The following FANCA variants were observed in gnomAD, a reference collection of about 807,000 sequenced individuals.
FANCA encodes FA complementation group A.
FANCA carries 236 observed loss-of-function variants against 194.3 expected under a neutral mutation model. That is an observed-to-expected ratio of 1.21 (90% CI 1.09 to 1.35). FANCA has a LOEUF of 1.35. Ranked by LOEUF, FANCA falls within the 40% of genes most tolerant of loss-of-function variation. The probability of loss-of-function intolerance (pLI) is 0.00; values close to 1 mark genes in which losing one functional copy is unlikely to be tolerated. For synonymous variants in FANCA, 1,014 were observed against 715.8 expected (o/e 1.42, Z -6.65); for missense variants, 2,628 against 1,813.9 (o/e 1.45, Z -8.15).
chr16:89,792,027 C>T lies in FANCA; in HGVS notation c.1125G>A (p.Leu375=). ...CCTCCTGCGTTTCCAGAACTTCTTG[C>T]AAATGGCCAACCAACTCCTCTGCAC... ...MLSAEELVGH[L]QEVLETQEVH... is the part of the protein sequence containing the mutation. The change falls in exon 13 of 43, where the codon TTG becomes TTA. Residue 375 remains leucine (L), a synonymous_variant. Coordinates refer to ENST00000389301, the MANE Select transcript of FANCA (RefSeq NM_000135.4). 2 of 1,614,190 alleles carry T rather than the reference C, an allele frequency of 1.2e-6. No homozygotes were observed. Among genetic ancestry groups the T allele is most frequent in the Non-Finnish European group, 1.7e-6 (2 of 1,180,024 alleles).
intron 11 of FANCA, among the ~76,000 whole-genome samples, chr16:89,794,121 C>T (rs1219870361): frequency 6.6e-6 from 1 of 152,234 alleles, no homozygotes; most frequent in Non-Finnish European, 1.5e-5. Flanking sequence ...TTAAAGTTCA[C>T]CATCTCCCTG....
intron 20 of FANCA, among the ~76,000 whole-genome samples, chr16:89,777,312 G>A (rs959749751): frequency 2.6e-5 from 4 of 152,152 alleles, no homozygotes; most frequent in Admixed American, 6.5e-5. Context: ...AGCCCAGGAG[G>A]TCAAGGCTGT....
At chr16:89,741,972 A>AT (rs34430410) in intron 37 of FANCA, among the ~76,000 whole-genome samples, 10,943 of 147,638 alleles carry the variant, frequency 0.074, 997 homozygotes, top group African/African-American at 0.22. Context: ...CTTTAAACAA[A>AT]TTTTTTTTTT....
Position 89,763,162 on chromosome 16 carries a change from C to T in FANCA, c.2779-1140G>A, listed in dbSNP as rs181934143. Among the ~76,000 whole-genome samples the T allele has an allele frequency of 6.6e-3, 1,004 of 151,774 alleles. 6 individuals carry two copies. The highest frequency in any genetic ancestry group is 0.012 in the Admixed American group (176 of 15,218). Reference sequence around the variant, plus strand: ...CTTGGGAGGCCGAGTCAGGAGAATCCCTTGAACCCAGAAGGCTGAGGTTGC... The same window carrying T: ...CTTGGGAGGCCGAGTCAGGAGAATCTCTTGAACCCAGAAGGCTGAGGTTGC... On this transcript the variant is annotated intron_variant, in intron 28 of 42. Transcript: ENST00000389301.
chr16:89,740,296 A>G, intron 38 of FANCA, 197 bp from the exon 39 acceptor site: 1 of 605,668 alleles, frequency 1.7e-6, no homozygotes, highest in Non-Finnish European at 3.0e-6. Flanking sequence ...AGGGACTTCG[A>G]GCACCCACAC....
At chr16:89,783,213 C>T (rs2039781173) in intron 15 of FANCA, 111 bp from the exon 16 acceptor site, 15 of 809,418 alleles carry the variant, frequency 1.9e-5, no homozygotes, top group Non-Finnish European at 3.0e-5. Flanking sequence ...AAACACAGCC[C>T]TTTACAGTCA....
At chr16:89,771,926 T>C in intron 22 of FANCA, 112 bp from the exon 23 acceptor site, 2 of 1,256,162 alleles carry the variant, frequency 1.6e-6, no homozygotes, top group East Asian at 4.8e-5. Flanking sequence ...TCCTGCTGAC[T>C]GCACACATCC....
In FANCA at chr16:89,738,924, T is replaced by A. The variant is rs752245802; in HGVS notation, c.4218A>T (p.Leu1406Phe). 5.0e-6 allele frequency: 8 copies of A among 1,614,262 alleles called. No homozygotes were observed. The East Asian group carries it at 1.8e-4, about 36-fold the overall frequency. ...AGCTCTTTTTCGGGCACCGAGGTAT[T>A]AACTGCAGCAGAAAAAGACGAGCTT... is the stretch of plus-strand genomic sequence containing the variant. ...ITKARLFLLQ[L>F]IPRCPKKSFS... The change falls in exon 42 of 43, where the codon TTA becomes TTT. Residue 1406 changes from leucine to phenylalanine, a missense_variant. By Grantham distance (22) the Leu-to-Phe change is conservative (BLOSUM62 0). Coordinates refer to ENST00000389301, the MANE Select transcript of FANCA (RefSeq NM_000135.4).
chr16:89,807,050 T>C (rs2040682543), intron 6 of FANCA, among the ~76,000 whole-genome samples: 2 of 152,276 alleles, frequency 1.3e-5, no homozygotes, highest in South Asian at 4.1e-4. Flanking sequence ...GTTCTACCCA[T>C]TACTGAAAGG....
At chr16:89,769,754 T>C in intron 26 of FANCA, 83 bp downstream of exon 26, 2 of 1,493,650 alleles carry the variant, frequency 1.3e-6, no homozygotes, top group South Asian at 1.2e-5. Context: ...TCTGCATGTC[T>C]GTCTCTTCTA....
chr16:89,816,219 C>A (rs1290360333), intron 1 of FANCA: 3 of 522,102 alleles, frequency 5.7e-6, no homozygotes, highest in Admixed American at 3.0e-5. Flanking sequence ...GGACGGCTGG[C>A]GAGGGGCGGC....
chr16:89,793,315 G>C (rs2040140427), intron 11 of FANCA, among the ~76,000 whole-genome samples: 1 of 152,124 alleles, frequency 6.6e-6, no homozygotes, highest in Non-Finnish European at 1.5e-5. Flanking sequence ...CCCTGTCCGG[G>C]CATAACAGAA....
At chr16:89,761,550 A>G (rs966184502) in intron 29 of FANCA, among the ~76,000 whole-genome samples, 6 of 152,158 alleles carry the variant, frequency 3.9e-5, no homozygotes, top group African/African-American at 1.4e-4. Flanking sequence ...CAGGTAAACC[A>G]AACATTAAAT....
intron 18 of FANCA, 98 bp downstream of exon 18, chr16:89,779,771 C>G: frequency 9.8e-7 from 1 of 1,016,610 alleles, no homozygotes; most frequent in South Asian, 1.3e-5. Context: ...TCTGCACACC[C>G]TGCAGGCATC....
rs62054604 is a variant in FANCA at position 89,745,791 on chromosome 16, C to G, written c.3514-720G>C. On this transcript the variant is annotated intron_variant, in intron 35 of 42. Transcript: ENST00000389301. The stretch of plus-strand genomic sequence containing the variant: ...AACGAAACAGTGAAGGGACCACACT[C>G]CTCTGAGCTGGGAACGAAACAGTGA... Among the ~76,000 whole-genome samples the G allele has an allele frequency of 5.6e-3, 760 of 135,194 alleles. 8 individuals are homozygous for G. Among genetic ancestry groups the G allele is most frequent in the East Asian group, 0.013 (41 of 3,186 alleles). 88.7% of individuals were successfully genotyped at this position (135,194 alleles called of 152,430 possible).
chr16:89,810,864 C>G, intron 4 of FANCA, 62 bp from the exon 5 acceptor site: 1 of 1,613,186 alleles, frequency 6.2e-7, no homozygotes, highest in Non-Finnish European at 8.5e-7. Context: ...AAAGCTATGT[C>G]CTATTTTCCC....
intron 33 of FANCA, among the ~76,000 whole-genome samples, chr16:89,747,330 T>G (rs1319171602): frequency 6.6e-6 from 1 of 152,210 alleles, no homozygotes; most frequent in East Asian, 1.9e-4. Flanking sequence ...AAAACAGCCA[T>G]TCATAAGAAT....
At position 89,770,198 on chromosome 16, in the gene FANCA, G is replaced by T; in HGVS notation, c.2284C>A (p.Leu762Ile). The change falls in exon 25 of 43, where the codon CTC becomes ATC. Residue 762 changes from leucine to isoleucine, a missense_variant. Coordinates refer to ENST00000389301, the MANE Select transcript of FANCA (RefSeq NM_000135.4). ...CGGAGCAGCTGGCAGAGCCGGGTGA[G>T]CACTGCAGGGAGCACACGTCCACAC... ...TMCGRVLPAV[L>I]TRLCQLLRHQ... 1.3e-6 allele frequency: 2 copies of T among 1,594,008 alleles called. No individual in the cohort carries two copies. The highest frequency in any genetic ancestry group is 2.3e-5 in the South Asian group (2 of 87,626).
At chr16:89,779,844 A>ACACT (rs2039640979) in intron 18 of FANCA, 25 bp downstream of exon 18, 1 of 1,603,696 alleles carries the variant, frequency 6.2e-7, no homozygotes, top group African/African-American at 1.3e-5. Flanking sequence ...CAGCTGCTAG[A>ACACT]GGCCTTTTCG....
Sources: gnomAD v4.1 joint callset for allele counts (sites outside exome capture counted in the v4.1 genomes callset) on GRCh38, gnomAD v4.1.1 for gene constraint, MANE v1.5 for transcripts, NCBI Gene and HGNC (gene_info 2026-07-23, HGNC 2026-07-21) for gene names.